KRTAP4-7: variants seen among roughly 807,000 people sequenced by gnomAD.
The protein encoded by KRTAP4-7 is keratin associated protein 4-7, also known as putative keratin-associated protein 4-X.
In KRTAP4-7, 1 loss-of-function variant was observed where a neutral mutation model predicts 3.0. That is an observed-to-expected ratio of 0.33 (90% CI 0.12 to 1.57). The LOEUF (loss-of-function observed/expected upper bound fraction) is 1.57, where lower values mean the gene tolerates loss of function less well. Ranked by LOEUF, KRTAP4-7 falls within the 40% of genes most tolerant of loss-of-function variation. KRTAP4-7 has a pLI of 0.37. For synonymous variants in KRTAP4-7, 70 were observed against 74.6 expected (o/e 0.94, Z 0.32); for missense variants, 199 against 209.1 (o/e 0.95, Z 0.30).
exon 1 of KRTAP4-7, chr17:41,085,060 A>G (rs1355693272): frequency 1.0e-5 from 3 of 295,462 alleles, no homozygotes; most frequent in African/African-American, 2.2e-5. Context: ...CCAGCCACCC[A>G]ATTGTATTCT....
At chr17:41,085,047 G>A in exon 1 of KRTAP4-7, 1 of 326,780 alleles carries the variant, frequency 3.1e-6, no homozygotes, top group Non-Finnish European at 5.9e-6. Flanking sequence ...TGCACCCTCA[G>A]ATCCAGCCAC....
At chr17:41,084,753 A>G in exon 1 of KRTAP4-7, 3 of 1,492,734 alleles carry the variant, frequency 2.0e-6, no homozygotes, top group Middle Eastern at 1.8e-4. Context: ...CCATTAGGAT[A>G]CATGAAGTGG....
At chr17:41,084,742 A>T in exon 1 of KRTAP4-7, 3 of 1,512,046 alleles carry the variant, frequency 2.0e-6, no homozygotes, top group Non-Finnish European at 2.7e-6. Context: ...TACTGTGCTG[A>T]CCATTAGGAT....
chr17:41,084,355 G>A, exon 1 of KRTAP4-7: 1 of 1,608,648 alleles, frequency 6.2e-7, no homozygotes, highest in Non-Finnish European at 8.5e-7. Flanking sequence ...TCCAGCTGCT[G>A]CAGGCCCCAG....
rs764275449 is a variant in KRTAP4-7, at chr17:41,084,195, C to T, written c.-12C>T. 53 of 1,596,064 alleles carry T rather than the reference C, an allele frequency of 3.3e-5. No homozygotes were observed. In the Admixed American group the frequency reaches 7.1e-4, roughly 21 times the overall value. On this transcript the variant is annotated 5_prime_UTR_variant, in exon 1 of 1. Transcript: ENST00000391417. ...CTTGGAAACCCACCCAGATCCTCCCCGTTCTGACACCATGGTCAGCTCCTG... is the reference window on the plus strand; with the variant it reads ...CTTGGAAACCCACCCAGATCCTCCCTGTTCTGACACCATGGTCAGCTCCTG...
chr17:41,084,726 C>T, exon 1 of KRTAP4-7: 6 of 1,536,014 alleles, frequency 3.9e-6, no homozygotes, highest in East Asian at 2.4e-5. Flanking sequence ...CAGATGTAGA[C>T]CCTTCTACTG....
At chr17:41,085,014 A>G (rs1420849790) in exon 1 of KRTAP4-7, 1 of 414,450 alleles carries the variant, frequency 2.4e-6, no homozygotes, top group East Asian at 4.5e-5. Flanking sequence ...TATTATCTGC[A>G]GGACCAGTTT....
chr17:41,084,178 C>T (rs2013592362), exon 1 of KRTAP4-7: 1 of 1,584,724 alleles, frequency 6.3e-7, no homozygotes, highest in Non-Finnish European at 8.6e-7. Flanking sequence ...CTCTTGGAAA[C>T]CCACCCAGAT....
At chr17:41,084,910 T>G (rs1467892163) in exon 1 of KRTAP4-7, 2 of 643,942 alleles carry the variant, frequency 3.1e-6, no homozygotes, top group Non-Finnish European at 5.4e-6. Context: ...TGAATTAATT[T>G]GTAATACACT....
Position 41,084,255 on chromosome 17 carries a change from C to T in KRTAP4-7, c.49C>T (p.Gln17Ter). Residue 17 changes from glutamine (Q) to a stop codon, truncating the protein, a stop_gained, in exon 1 of 1, where the codon CAA becomes TAA. Coordinates refer to ENST00000391417, the Ensembl canonical transcript of KRTAP4-7. LOFTEE classifies it low-confidence loss of function (END_TRUNC). ...CGTGTGCTCTGACCAGGGCTGCAGCCAAGACCTCTGTCAGGAGACCTGCTG... is the reference window on the plus strand; with the variant it reads ...CGTGTGCTCTGACCAGGGCTGCAGCTAAGACCTCTGTCAGGAGACCTGCTG... 6.2e-7 allele frequency: 1 copy of T among 1,613,568 alleles called. No individual in the cohort carries two copies. Among genetic ancestry groups the T allele is most frequent in the Non-Finnish European group, 8.5e-7 (1 of 1,179,868 alleles).
exon 1 of KRTAP4-7, chr17:41,084,844 G>C (rs1435434878): frequency 1.1e-5 from 13 of 1,144,412 alleles, no homozygotes; most frequent in Non-Finnish European, 1.6e-5. Flanking sequence ...GAACATTCTG[G>C]TTCATTTTAA....
chr17:41,084,330 C>T (rs2013599155), exon 1 of KRTAP4-7: 3 of 1,613,754 alleles, frequency 1.9e-6, no homozygotes, highest in Non-Finnish European at 1.7e-6. Context: ...CTGCTACCGC[C>T]CCAGCTGTTG....
At chr17:41,084,608 C>G (rs745462670) in exon 1 of KRTAP4-7, 1 of 1,599,390 alleles carries the variant, frequency 6.3e-7, no homozygotes, top group Non-Finnish European at 8.5e-7. Context: ...ACACCACTTG[C>G]TATCGCCCAA....
exon 1 of KRTAP4-7, chr17:41,084,643 G>A (rs377673169): frequency 2.1e-5 from 33 of 1,598,962 alleles, no homozygotes; most frequent in East Asian, 6.7e-5. Flanking sequence ...ACCTGTCCCC[G>A]CCCCTTGTGC....
exon 1 of KRTAP4-7, chr17:41,085,082 A>T (rs2013626966): frequency 4.1e-6 from 1 of 246,530 alleles, no homozygotes; most frequent in South Asian, 1.1e-4. Context: ...TGTTTCTCCT[A>T]GGGTGAATTT....
At chr17:41,084,964 A>G (rs2143845996) in exon 1 of KRTAP4-7, 4 of 583,350 alleles carry the variant, frequency 6.9e-6, no homozygotes, top group Admixed American at 3.5e-5. Flanking sequence ...TATTTTCTTT[A>G]TCACTTTAAG....
At chr17:41,084,743 C>T in exon 1 of KRTAP4-7, 2 of 1,505,006 alleles carry the variant, frequency 1.3e-6, no homozygotes, top group Non-Finnish European at 1.8e-6. Flanking sequence ...ACTGTGCTGA[C>T]CATTAGGATA....
At chr17:41,084,893 C>A in exon 1 of KRTAP4-7, 1 of 706,812 alleles carries the variant, frequency 1.4e-6, no homozygotes, top group Non-Finnish European at 2.3e-6. Context: ...GGTGGTGGCA[C>A]CAAATGTGAA....
chr17:41,084,854 A>C, exon 1 of KRTAP4-7: 1 of 1,039,406 alleles, frequency 9.6e-7, no homozygotes, highest in Non-Finnish European at 1.4e-6. Flanking sequence ...GTTCATTTTA[A>C]ACTCCCTCCT....
Sources: allele counts gnomAD v4.1 joint callset, GRCh38; gene constraint gnomAD v4.1.1; transcripts MANE v1.5; gene names NCBI Gene and HGNC (gene_info 2026-07-23, HGNC 2026-07-21).